Variants in FRMD6 observed in about 807,000 individuals in gnomAD.
FRMD6 encodes the protein FERM domain containing 6.
Under a neutral mutation model 73.2 loss-of-function variants are expected in FRMD6, and 37 were observed. The observed-to-expected ratio is 0.51, with a 90% CI of 0.39 to 0.66. The LOEUF (loss-of-function observed/expected upper bound fraction) is 0.66, where lower values mean the gene tolerates loss of function less well. Ranked by LOEUF, FRMD6 falls within the 30% of genes least tolerant of loss-of-function variation. The pLI is 0.00. For synonymous variants in FRMD6, 273 were observed against 282.2 expected, an observed-to-expected ratio of 0.97 and a Z score of 0.33; for missense variants, 714 against 780.5, an observed-to-expected ratio of 0.91 and a Z score of 1.02.
intron 6 of FRMD6, 51 bp from the exon 7 acceptor site, chr14:51,708,026 AC>A (rs1393318025): frequency 6.3e-7 from 1 of 1,578,882 alleles, no homozygotes. Context: ...TGGGGGTAGA[AC>A]TTACATCTCT....
chr14:51,601,574 A>G (rs940922147), intron 2 of FRMD6, among the ~76,000 whole-genome samples: 2 of 152,304 alleles, frequency 1.3e-5, no homozygotes, highest in Middle Eastern at 3.4e-3. Flanking sequence ...AATCTCTAGA[A>G]ATTTAGTAAA....
intron 12 of FRMD6, 83 bp from the exon 13 acceptor site, chr14:51,725,696 T>C (rs1298685806): frequency 9.5e-7 from 1 of 1,056,120 alleles, no homozygotes; most frequent in African/African-American, 1.6e-5. Context: ...TTTTCATTCC[T>C]GATAGCAATA....
chr14:51,482,876 A>AT, the FRMD6 span, among the ~76,000 whole-genome samples: 1 of 151,724 alleles, frequency 6.6e-6, no homozygotes, highest in Non-Finnish European at 1.5e-5. Flanking sequence ...AATTTTTTGT[A>AT]TTTTTAGTAG....
At chr14:51,508,786 C>A (rs1264445495) in intron 1 of FRMD6, among the ~76,000 whole-genome samples, 1 of 152,130 alleles carries the variant, frequency 6.6e-6, no homozygotes, top group East Asian at 1.9e-4. Flanking sequence ...AGCTTGATTT[C>A]TCTGTGATGT....
chr14:51,481,467 T>TC, the FRMD6 span, among the ~76,000 whole-genome samples: 1 of 152,012 alleles, frequency 6.6e-6, no homozygotes, highest in Non-Finnish European at 1.5e-5. Flanking sequence ...GATTCAATTA[T>TC]CCCCCACTGG....
chr14:51,646,310 T>C (rs1594648647), intron 2 of FRMD6, among the ~76,000 whole-genome samples: 3 of 91,502 alleles, frequency 3.3e-5, no homozygotes, highest in Admixed American at 1.8e-4. Flanking sequence ...ACAGCGAGAC[T>C]CCATATCCAA....
upstream of FRMD6, among the ~76,000 whole-genome samples, chr14:51,486,043 T>TTTA (rs1555369110): frequency 6.6e-6 from 1 of 150,714 alleles, no homozygotes; most frequent in Non-Finnish European, 1.5e-5. Context: ...TTTTTTTTTT[T>TTTA]AATTGTTTTG....
intron 1 of FRMD6, among the ~76,000 whole-genome samples, chr14:51,505,401 T>C (rs1245807474): frequency 2.0e-5 from 3 of 152,092 alleles, no homozygotes; most frequent in Non-Finnish European, 4.4e-5. Flanking sequence ...AATTTTTACA[T>C]GAATTGTAAA....
At chr14:51,611,247 G>A (rs1956578) in intron 2 of FRMD6, among the ~76,000 whole-genome samples, 145,254 of 152,284 alleles carry the variant, frequency 0.95, 69,329 homozygotes, top group African/African-American at 0.99. Context: ...TTTCCTTAAA[G>A]GTATTATGGG....
At chr14:51,625,909 A>T (rs890391199) in intron 2 of FRMD6, among the ~76,000 whole-genome samples, 1 of 152,192 alleles carries the variant, frequency 6.6e-6, no homozygotes, top group South Asian at 2.1e-4. Context: ...AGGGAGTTTT[A>T]TTGACCTGTC....
chr14:51,701,057 T>C lies in FRMD6; in HGVS notation c.192T>C (p.Asn64=), dbSNP rs760132441. The change falls in exon 4 of 14, where the codon AAT becomes AAC. Residue 64 remains asparagine, a splice_region_variant and synonymous_variant. Coordinates refer to ENST00000344768, the MANE Select transcript of FRMD6 (RefSeq NM_001267046.2). The part of the protein sequence containing the change: ...CHLFGLSVIQ[N]NEHVYMELSQ... ...CGTCTCCTTTTTTTTAATGTACAGA[T>C]AATGAACATGTGTATATGGAGTTGT... is the stretch of plus-strand genomic sequence containing the variant. 11 of 1,460,186 alleles carry C rather than the reference T, an allele frequency of 7.5e-6. No individual in the cohort carries two copies. The highest frequency in any genetic ancestry group is 1.4e-5 in the South Asian group (1 of 71,286). The allele number at this position is 1,460,186 out of a possible 1,614,324, so 90.5% of individuals were successfully genotyped here. A position where few individuals can be genotyped will look rare whatever the true frequency, so the allele number is the denominator to read the frequency against.
At chr14:51,650,398 T>TTG (rs1366526648), upstream of FRMD6, 2 of 145,868 alleles carry the variant, frequency 1.4e-5, no homozygotes, top group Non-Finnish European at 3.0e-5. Flanking sequence ...GCAGTTTTTT[T>TTG]TTTTTTTTTT....
chr14:51,416,278 T>C, the FRMD6 span, among the ~76,000 whole-genome samples: 1 of 152,226 alleles, frequency 6.6e-6, no homozygotes, highest in African/African-American at 2.4e-5. Context: ...CTGCTTTCTT[T>C]TGTGGGCATT....
At chr14:51,662,589 AG>A (rs1418463711) in intron 1 of FRMD6, among the ~76,000 whole-genome samples, 2 of 152,230 alleles carry the variant, frequency 1.3e-5, no homozygotes, top group Non-Finnish European at 2.9e-5. Flanking sequence ...ATAATTGGCT[AG>A]CCATATACAC....
At chr14:51,603,543 T>C (rs901466434) in intron 2 of FRMD6, among the ~76,000 whole-genome samples, 1 of 152,214 alleles carries the variant, frequency 6.6e-6, no homozygotes, top group East Asian at 1.9e-4. Flanking sequence ...TTTCCTTTGA[T>C]ACTAGAGATG....
In FRMD6 at chr14:51,730,675, A is replaced by G; in HGVS notation, c.*2646A>G. 1 of 152,312 alleles carries G rather than the reference A, an allele frequency of 6.6e-6. No homozygotes were observed. The highest frequency in any genetic ancestry group is 2.1e-4 in the South Asian group (1 of 4,830). The allele number at this position is 152,312 out of a possible 1,614,324, so 9.4% of individuals were successfully genotyped here. Reference sequence around the variant, plus strand: ...GCATTATTTTGTAATTATTTCTTATAGATATTTCATGGTAAGATTAGCAGT... The same window carrying G: ...GCATTATTTTGTAATTATTTCTTATGGATATTTCATGGTAAGATTAGCAGT... On this transcript the variant is annotated 3_prime_UTR_variant, in exon 14 of 14. Transcript: ENST00000344768.
rs925748528 is a variant in FRMD6, at chr14:51,499,839, A to AT, written c.-210+10428dup. Among the ~76,000 whole-genome samples the AT allele has an allele frequency of 4.0e-4, 60 of 151,490 alleles. 1 individual carries two copies. Among genetic ancestry groups the AT allele is most frequent in the Middle Eastern group, 6.8e-3 (2 of 292 alleles). ...CAATTCGGCACATGGGTTGGGAGGT[A>AT]TTTTTTTTTCTTAATTTGTCTCATT... On this transcript the variant is annotated intron_variant, in intron 1 of 14. Coordinates refer to the FRMD6 transcript ENST00000356218.
intron 10 of FRMD6, among the ~76,000 whole-genome samples, chr14:51,716,604 A>G (rs1897255511): frequency 6.6e-6 from 1 of 152,166 alleles, no homozygotes; most frequent in Non-Finnish European, 1.5e-5. Context: ...TGTCAATCCA[A>G]ATGAGACCCG....
the FRMD6 span, among the ~76,000 whole-genome samples, chr14:51,467,645 A>G: frequency 6.6e-6 from 1 of 151,546 alleles, no homozygotes; most frequent in South Asian, 2.1e-4. Context: ...CTCACCTCCC[A>G]GATGGGGTGG....
Sources: gnomAD v4.1 joint callset for allele counts (sites outside exome capture counted in the v4.1 genomes callset) on GRCh38, gnomAD v4.1.1 for gene constraint, MANE v1.5 for transcripts, NCBI Gene and HGNC (gene_info 2026-07-23, HGNC 2026-07-21) for gene names.